DAB1: variants seen among roughly 807,000 people sequenced by gnomAD.
DAB1 encodes disabled homolog 1.
DAB1 carries 15 observed loss-of-function variants against 64.6 expected under a neutral mutation model. That is an observed-to-expected ratio of 0.23 (90% CI 0.16 to 0.36). The LOEUF (loss-of-function observed/expected upper bound fraction) is 0.36, where lower values mean the gene tolerates loss of function less well. Among genes scored for constraint, DAB1 ranks in the 10% least tolerant of loss-of-function variants. The pLI is 1.00. For missense variants in DAB1, 596 were observed against 706.7 expected, an observed-to-expected ratio of 0.84 and a Z score of 1.78; for synonymous variants, 235 against 251.9, an observed-to-expected ratio of 0.93 and a Z score of 0.64.
At chr1:58,380,290 A>G (rs1324081833) in intron 3 of DAB1, among the ~76,000 whole-genome samples, 1 of 152,208 alleles carries the variant, frequency 6.6e-6, no homozygotes, top group African/African-American at 2.4e-5. Flanking sequence ...TGGTTTTATC[A>G]GTGGCAGTTT....
chr1:57,477,378 C>G (rs1025154992), intron 7 of DAB1, among the ~76,000 whole-genome samples: 1 of 152,238 alleles, frequency 6.6e-6, no homozygotes, highest in East Asian at 1.9e-4. Context: ...CCACCCCACC[C>G]CATTCTATTC....
At chr1:58,053,693 A>T in intron 5 of DAB1, among the ~76,000 whole-genome samples, 1 of 152,362 alleles carries the variant, frequency 6.6e-6, no homozygotes, top group East Asian at 1.9e-4. Flanking sequence ...TAGTAAAGAT[A>T]ATATATGAAA....
intron 4 of DAB1, among the ~76,000 whole-genome samples, chr1:58,266,179 C>G (rs935701888): frequency 1.4e-4 from 22 of 152,168 alleles, no homozygotes; most frequent in African/African-American, 4.1e-4. Context: ...TATTTGAGCT[C>G]CATGCTAGTC....
intron 6 of DAB1, among the ~76,000 whole-genome samples, chr1:57,706,555 T>G (rs1254823089): frequency 6.6e-6 from 1 of 152,106 alleles, no homozygotes; most frequent in Non-Finnish European, 1.5e-5. Context: ...CTGCAAGTGA[T>G]CTGCCCACCT....
chr1:58,373,525 G>A (rs895633770), intron 3 of DAB1, among the ~76,000 whole-genome samples: 44 of 151,450 alleles, frequency 2.9e-4, no homozygotes, highest in Non-Finnish European at 4.4e-4. Flanking sequence ...CGGCTGCATA[G>A]TATTCCATGG....
intron 1 of DAB1, among the ~76,000 whole-genome samples, chr1:57,357,310 A>C (rs61769669): frequency 0.097 from 14,695 of 152,034 alleles, 917 homozygotes; most frequent in Non-Finnish European, 0.15. Context: ...CTTCCTGGTT[A>C]TATGATCTGA....
At chr1:58,224,327 G>A (rs1489840698) in intron 4 of DAB1, among the ~76,000 whole-genome samples, 1 of 152,194 alleles carries the variant, frequency 6.6e-6, no homozygotes, top group Non-Finnish European at 1.5e-5. Flanking sequence ...ACAAGTAGTA[G>A]CAGTAGCAGT....
intron 7 of DAB1, among the ~76,000 whole-genome samples, chr1:57,626,308 C>A (rs888228249): frequency 2.6e-5 from 4 of 152,178 alleles, no homozygotes; most frequent in African/African-American, 9.7e-5. Context: ...AGAAGCTCAC[C>A]TCTAGCCTGC....
intron 5 of DAB1, among the ~76,000 whole-genome samples, chr1:57,950,619 G>T (rs936577378): frequency 6.8e-6 from 1 of 146,958 alleles, no homozygotes; most frequent in African/African-American, 2.7e-5. Context: ...ATCTGCTTAT[G>T]GTTCCCAAAA....
At chr1:57,395,217 G>T (rs1682709729) in intron 1 of DAB1, among the ~76,000 whole-genome samples, 1 of 152,060 alleles carries the variant, frequency 6.6e-6, no homozygotes, top group South Asian at 2.1e-4. Context: ...GTAGAGACGG[G>T]GTTTCGCCAT....
chr1:57,939,624 G>T (rs561405791), intron 5 of DAB1, among the ~76,000 whole-genome samples: 4 of 152,126 alleles, frequency 2.6e-5, no homozygotes, highest in Admixed American at 1.3e-4. Context: ...ATCCAAGTTG[G>T]GGGAGGCAGA....
intron 5 of DAB1, among the ~76,000 whole-genome samples, chr1:58,062,242 A>G (rs1224447377): frequency 6.6e-6 from 1 of 152,198 alleles, no homozygotes; most frequent in Non-Finnish European, 1.5e-5. Context: ...AGGCAGGGAT[A>G]ACTTATGGCA....
chr1:57,846,501 G>A lies in DAB1; in HGVS notation n.88-20046C>T, dbSNP rs566268601. Among the ~76,000 whole-genome samples the A allele has an allele frequency of 7.3e-4, 109 of 150,036 alleles. 1 individual carries two copies. Among genetic ancestry groups the A allele is most frequent in the Non-Finnish European group, 1.4e-3 (93 of 67,650 alleles). On this transcript the variant is annotated intron_variant and non_coding_transcript_variant, in intron 1 of 1. Coordinates refer to the DAB1 transcript ENST00000477280. ...ATCAATGCTTCCTCTCCTCCCTCCT[G>A]TATTTCTTCCCTCCTTTGTTCACTT...
chr1:57,800,531 G>C (rs775997874), intron 6 of DAB1, among the ~76,000 whole-genome samples: 1 of 152,108 alleles, frequency 6.6e-6, no homozygotes, highest in Admixed American at 6.5e-5. Context: ...AATTAAATCT[G>C]GAAATTTGTC....
At position 57,291,046 on chromosome 1, in the gene DAB1, G is replaced by C; in HGVS notation, c.-16C>G. 2 of 1,600,628 alleles carry C rather than the reference G, an allele frequency of 1.2e-6. No homozygotes were observed. The highest frequency in any genetic ancestry group is 1.7e-6 in the Non-Finnish European group (2 of 1,171,722). On this transcript the variant is annotated 5_prime_UTR_variant, in exon 2 of 15. Coordinates refer to ENST00000371236, the MANE Select transcript of DAB1 (RefSeq NM_001365792.1). ...CAGTTGACATCCTACTTAATCCTTA[G>C]TCCACTTCACACAGATCCCGGGCCT...
intron 4 of DAB1, among the ~76,000 whole-genome samples, chr1:58,296,199 A>G (rs79143207): frequency 4.6e-3 from 223 of 48,814 alleles, no homozygotes; most frequent in African/African-American, 0.011. Context: ...AAGAAAGAGA[A>G]AGAAAGAAAG....
intron 4 of DAB1, among the ~76,000 whole-genome samples, chr1:58,307,470 T>C (rs1662333426): frequency 6.6e-6 from 1 of 152,144 alleles, no homozygotes; most frequent in Non-Finnish European, 1.5e-5. Flanking sequence ...AGGACTGATA[T>C]CTAACTCAGG....
chr1:58,249,881 C>A (rs1293294741), intron 4 of DAB1, among the ~76,000 whole-genome samples: 1 of 152,206 alleles, frequency 6.6e-6, no homozygotes, highest in Non-Finnish European at 1.5e-5. Context: ...TGCGCCTTTG[C>A]GCGCCACCCA....
chr1:58,377,752 C>T (rs1468431383), intron 3 of DAB1, among the ~76,000 whole-genome samples: 1 of 138,414 alleles, frequency 7.2e-6, no homozygotes, highest in African/African-American at 2.7e-5. Context: ...GGAAGTTCTC[C>T]TGGATAATAT....
Sources: gnomAD v4.1 joint callset for allele counts (sites outside exome capture counted in the v4.1 genomes callset) on GRCh38, gnomAD v4.1.1 for gene constraint, MANE v1.5 for transcripts, NCBI Gene and HGNC (gene_info 2026-07-23, HGNC 2026-07-21) for gene names.